Variants in PITPNB observed in about 807,000 individuals in gnomAD.
The protein encoded by PITPNB is phosphatidylinositol transfer protein beta.
In PITPNB, 16 loss-of-function variants were observed where a neutral mutation model predicts 45.9. That is an observed-to-expected ratio of 0.35 (90% CI 0.24 to 0.53). PITPNB has a LOEUF of 0.53. Ranked by LOEUF, PITPNB falls within the 20% of genes least tolerant of loss-of-function variation. The pLI is 0.93. For missense variants in PITPNB, 188 were observed against 330.5 expected (o/e 0.57, Z 3.34); for synonymous variants, 112 against 108.9 (o/e 1.03, Z -0.18).
At chr22:27,880,509 C>T (rs780512607) in intron 7 of PITPNB, among the ~76,000 whole-genome samples, 2 of 152,148 alleles carry the variant, frequency 1.3e-5, no homozygotes, top group Non-Finnish European at 2.9e-5. Flanking sequence ...CCCATCACCT[C>T]CATTACCCTC....
chr22:27,853,410 T>A lies in PITPNB; in HGVS notation c.*292A>T. 1 of 515,620 alleles carries A rather than the reference T, an allele frequency of 1.9e-6. No homozygotes were observed. The highest frequency in any genetic ancestry group is 3.4e-5 in the South Asian group (1 of 29,364). The allele number at this position is 515,620 out of a possible 1,614,324, so 31.9% of individuals were successfully genotyped here. ...CAGTACTTTGGAGAAATTGTACTAA[T>A]CCCTTCAGTATGTCTGTATGTACAT... On this transcript the variant is annotated 3_prime_UTR_variant, in exon 12 of 12. Coordinates refer to ENST00000335272, the MANE Select transcript of PITPNB (RefSeq NM_012399.5).
intron 7 of PITPNB, among the ~76,000 whole-genome samples, chr22:27,878,186 T>C (rs1934873103): frequency 6.6e-6 from 1 of 152,160 alleles, no homozygotes; most frequent in African/African-American, 2.4e-5. Flanking sequence ...AAGCCCAGGA[T>C]GGGGAATAAA....
chr22:27,872,081 G>GTTTTTTT (rs58288724), intron 8 of PITPNB, among the ~76,000 whole-genome samples: 4 of 64,366 alleles, frequency 6.2e-5, no homozygotes, highest in South Asian at 6.8e-4. Context: ...ATTAAGCCTG[G>GTTTTTTT]TTTTTTTTTT....
chr22:27,886,119 A>G (rs893114068), intron 7 of PITPNB, among the ~76,000 whole-genome samples: 7 of 152,218 alleles, frequency 4.6e-5, no homozygotes, highest in African/African-American at 1.7e-4. Context: ...CTCTTAAAGG[A>G]TATAACAACT....
intron 8 of PITPNB, among the ~76,000 whole-genome samples, chr22:27,863,150 T>C (rs898522043): frequency 2.6e-5 from 4 of 152,206 alleles, no homozygotes; most frequent in African/African-American, 9.6e-5. Flanking sequence ...AATTGTGAGA[T>C]ATAGCTGCCA....
intron 1 of PITPNB, among the ~76,000 whole-genome samples, chr22:27,915,210 T>C (rs1320078190): frequency 6.6e-6 from 1 of 152,196 alleles, no homozygotes; most frequent in Non-Finnish European, 1.5e-5. Context: ...ACTTCCTTTT[T>C]TGTGGGATGG....
intron 10 of PITPNB, among the ~76,000 whole-genome samples, chr22:27,857,611 T>C (rs111793034): frequency 6.6e-6 from 1 of 152,148 alleles, no homozygotes; most frequent in Admixed American, 6.5e-5. Flanking sequence ...GATGACCACA[T>C]GGAAACCACT....
intron 8 of PITPNB, among the ~76,000 whole-genome samples, chr22:27,872,081 GTTTTTTTTTTTTTTTTT>G (rs58288724): frequency 4.7e-5 from 3 of 64,436 alleles, no homozygotes; most frequent in African/African-American, 6.0e-5. Context: ...ATTAAGCCTG[GTTTTTTTTTTTTTTTTT>G]TTTTTTTTTT....
intron 7 of PITPNB, among the ~76,000 whole-genome samples, chr22:27,882,121 T>C (rs765977387): frequency 1.1e-4 from 16 of 152,210 alleles, no homozygotes; most frequent in Non-Finnish European, 2.1e-4. Context: ...AGACAAGCAC[T>C]GCTTAAGGTG....
chr22:27,858,093 C>T (rs9625343), intron 10 of PITPNB, among the ~76,000 whole-genome samples: 7,327 of 152,252 alleles, frequency 0.048, 288 homozygotes, highest in South Asian at 0.11. Flanking sequence ...AACCAGCCTA[C>T]AGAACTAAAG....
intron 1 of PITPNB, among the ~76,000 whole-genome samples, chr22:27,915,240 T>C (rs1458722866): frequency 1.3e-5 from 2 of 152,194 alleles, no homozygotes; most frequent in Non-Finnish European, 2.9e-5. Context: ...ATCCTTCTCA[T>C]ACTTTCCTAA....
rs551428878 is a variant in PITPNB at position 27,919,182 on chromosome 22, T to G, written c.10A>C (p.Ile4Leu). 1 of 1,613,900 alleles carries G rather than the reference T, an allele frequency of 6.2e-7. No individual in the cohort carries two copies. The highest frequency in any genetic ancestry group is 2.2e-5 in the East Asian group (1 of 44,860). The stretch of plus-strand genomic sequence containing the variant: ...CACAGACCCACTCACAATTCCTTGA[T>G]CAGCACCATCTTCCCGGAACCCCCT... MVL[I>L]KEFRVVLPCS... Residue 4 changes from isoleucine to leucine, a missense_variant, in exon 1 of 12, where the codon ATC becomes CTC. Ile to Leu is a conservative substitution (Grantham distance 5). Transcript: ENST00000335272.
At chr22:27,857,699 C>T (rs1293696304) in intron 10 of PITPNB, among the ~76,000 whole-genome samples, 1 of 152,138 alleles carries the variant, frequency 6.6e-6, no homozygotes, top group African/African-American at 2.4e-5. Context: ...TGGCCCAGGG[C>T]AAAAACAAAA....
chr22:27,882,590 T>C (rs1278012412), intron 7 of PITPNB, among the ~76,000 whole-genome samples: 1 of 152,196 alleles, frequency 6.6e-6, no homozygotes, highest in East Asian at 1.9e-4. Context: ...CAGAAACAGT[T>C]TAGATAAGCC....
intron 7 of PITPNB, 60 bp downstream of exon 7, chr22:27,894,492 ATAG>A: frequency 1.1e-6 from 1 of 879,556 alleles, no homozygotes; most frequent in East Asian, 2.4e-5. Flanking sequence ...CCCAAATGTG[ATAG>A]TAGAAAATAA....
intron 3 of PITPNB, among the ~76,000 whole-genome samples, chr22:27,898,807 A>T (rs1471946129): frequency 2.0e-5 from 3 of 152,254 alleles, no homozygotes; most frequent in Admixed American, 2.0e-4. Context: ...AGCTTGTGCA[A>T]GCATATGATA....
Position 27,853,579 on chromosome 22 carries a change from C to T in PITPNB, c.*123G>A, listed in dbSNP as rs972727214. 34 of 1,528,984 alleles carry T rather than the reference C, an allele frequency of 2.2e-5. No individual in the cohort carries two copies. In the Middle Eastern group the frequency reaches 1.5e-3, roughly 68 times the overall value. The allele number at this position is 1,528,984 out of a possible 1,614,324, so 94.7% of individuals were successfully genotyped here. On this transcript the variant is annotated 3_prime_UTR_variant, in exon 12 of 12. Transcript: ENST00000335272. ...TCATCACAAGCACACATCTGGGAAA[C>T]GTCAACACTGCAAGATACTGGTCAG...
chr22:27,914,347 G>A lies in PITPNB; in HGVS notation c.21C>T (p.Phe7=), dbSNP rs1890603689. Residue 7 remains phenylalanine, a splice_region_variant and synonymous_variant, in exon 2 of 12, where the codon TTC becomes TTT. Coordinates refer to ENST00000335272, the MANE Select transcript of PITPNB (RefSeq NM_012399.5). MVLIKE[F]RVVLPCSVQE... is the part of the protein sequence containing the mutation. ...GAACAGAACATGGCAAAACCACACG[G>A]CTAAAAAGACAAAAGAAAAAATATA... 7 of 1,584,152 alleles carry A rather than the reference G, an allele frequency of 4.4e-6. No homozygotes were observed. The highest frequency in any genetic ancestry group is 4.5e-5 in the East Asian group (2 of 44,596).
Position 27,852,214 on chromosome 22 carries a change from A to C in PITPNB, c.*1488T>G, listed in dbSNP as rs1934039388. The C allele has an allele frequency of 6.6e-6, 1 of 152,198 alleles. No individual in the cohort carries two copies. 9.4% of individuals were successfully genotyped at this position (152,198 alleles called of 1,614,324 possible). A position where few individuals can be genotyped will look rare whatever the true frequency, so the allele number is the denominator to read the frequency against. ...GGCAGGGCAGGACTGTCAGCAAATC[A>C]GATTACTAATGTGATTTGACTGCAG... On this transcript the variant is annotated 3_prime_UTR_variant, in exon 12 of 12. Coordinates refer to ENST00000335272, the MANE Select transcript of PITPNB (RefSeq NM_012399.5).
Sources: allele counts gnomAD v4.1 joint callset (sites outside exome capture counted in the v4.1 genomes callset), GRCh38; gene constraint gnomAD v4.1.1; transcripts MANE v1.5; gene names NCBI Gene and HGNC (gene_info 2026-07-23, HGNC 2026-07-21).